COL27A1: variants seen among roughly 807,000 people sequenced by gnomAD.
The protein encoded by COL27A1 is collagen type XXVII alpha 1 chain.
A neutral mutation model predicts 251.3 loss-of-function variants in COL27A1; 106 were observed. The ratio of observed to expected loss-of-function variants is 0.42; its 90% confidence interval spans 0.36 to 0.50. The LOEUF is 0.50. Ranked by LOEUF, COL27A1 falls within the 20% of genes least tolerant of loss-of-function variation. The pLI is 0.00. For missense variants in COL27A1, 2,325 were observed against 2,522.8 expected (o/e 0.92, Z 1.68); for synonymous variants, 1,000 against 986.3 (o/e 1.01, Z -0.26).
chr9:114,204,573 G>A (rs1829812701), intron 7 of COL27A1, among the ~76,000 whole-genome samples: 2 of 152,150 alleles, frequency 1.3e-5, no homozygotes, highest in African/African-American at 2.4e-5. Context: ...GCCGGTGGGA[G>A]AAGGGAAACA....
intron 15 of COL27A1, among the ~76,000 whole-genome samples, chr9:114,231,571 C>T (rs1465104990): frequency 6.6e-6 from 1 of 152,216 alleles, no homozygotes; most frequent in African/African-American, 2.4e-5. Context: ...CTCATTAAGC[C>T]CTTCCCTCCC....
chr9:114,157,408 G>A (rs986393636), intron 1 of COL27A1, among the ~76,000 whole-genome samples: 2 of 152,140 alleles, frequency 1.3e-5, no homozygotes, highest in African/African-American at 2.4e-5. Context: ...CCTTCTGGCC[G>A]GACCAAACTC....
chr9:114,221,592 A>G (rs1477594323), intron 13 of COL27A1, among the ~76,000 whole-genome samples: 1 of 152,214 alleles, frequency 6.6e-6, no homozygotes, highest in Non-Finnish European at 1.5e-5. Flanking sequence ...CATGTGGGCC[A>G]TGGAAGATCC....
chr9:114,196,115 GC>G, intron 7 of COL27A1, 103 bp downstream of exon 7: 1 of 1,003,662 alleles, frequency 1.0e-6, no homozygotes, highest in Non-Finnish European at 1.6e-6. Context: ...CCCAGCCCCA[GC>G]CCAGCTCCCC....
chr9:114,192,500 G>A (rs2135230716), intron 5 of COL27A1, among the ~76,000 whole-genome samples: 1 of 152,346 alleles, frequency 6.6e-6, no homozygotes, highest in East Asian at 1.9e-4. Flanking sequence ...CAGATGGACA[G>A]AGTTGGAGTT....
At chr9:114,307,071 C>T (rs1234341645) in intron 58 of COL27A1, 4 of 212,208 alleles carry the variant, frequency 1.9e-5, no homozygotes, top group Non-Finnish European at 3.8e-5. Flanking sequence ...CCAGACAGAC[C>T]TGAGTTCCAA....
At chr9:114,266,477 G>T in intron 32 of COL27A1, 88 bp from the exon 33 acceptor site, 1 of 1,128,584 alleles carries the variant, frequency 8.9e-7, no homozygotes. Context: ...CCAGTTCTGG[G>T]GGTCAGCTCC....
At chr9:114,180,495 C>T (rs1827817618) in intron 4 of COL27A1, among the ~76,000 whole-genome samples, 1 of 152,190 alleles carries the variant, frequency 6.6e-6, no homozygotes, top group African/African-American at 2.4e-5. Flanking sequence ...CCAACTCTCC[C>T]TGCCCGCCGT....
At chr9:114,156,992 G>A (rs981801532) in intron 1 of COL27A1, among the ~76,000 whole-genome samples, 1 of 152,034 alleles carries the variant, frequency 6.6e-6, no homozygotes, top group Non-Finnish European at 1.5e-5. Flanking sequence ...TGGAGTCCGC[G>A]GGATGACACC....
At chr9:114,236,303 A>C (rs1357190248) in intron 17 of COL27A1, among the ~76,000 whole-genome samples, 1 of 152,176 alleles carries the variant, frequency 6.6e-6, no homozygotes, top group Non-Finnish European at 1.5e-5. Context: ...CCTGCCAGAC[A>C]GTGAGTTCCC....
intron 17 of COL27A1, 122 bp from the exon 18 acceptor site, chr9:114,236,859 G>A: frequency 1.2e-6 from 1 of 830,502 alleles, no homozygotes; most frequent in Non-Finnish European, 2.0e-6. Flanking sequence ...AAGGAAGGAA[G>A]GAGCTCATCT....
chr9:114,192,061 C>T (rs866256438), intron 5 of COL27A1, among the ~76,000 whole-genome samples: 69 of 152,178 alleles, frequency 4.5e-4, no homozygotes, highest in African/African-American at 1.6e-3. Context: ...GTATCATACT[C>T]GGGCAGGCAT....
rs748771857 is a variant in COL27A1, at chr9:114,168,939, G to A, written c.1384G>A (p.Ala462Thr). Residue 462 changes from alanine (A) to threonine (T), a missense_variant, in exon 3 of 61, where the codon GCC becomes ACC. Ala to Thr is a moderately conservative substitution (Grantham distance 58, BLOSUM62 0). Coordinates refer to ENST00000356083, the MANE Select transcript of COL27A1 (RefSeq NM_032888.4). Reference protein sequence around the residue: ...KPIPTLARTEAKITSHASKPA... With the variant: ...KPIPTLARTETKITSHASKPA... ...CATTCCCACACTAGCTCGGACTGAG[G>A]CCAAGATAACCAGCCATGCCAGTAA... 1.2e-6 allele frequency: 2 copies of A among 1,613,926 alleles called. No homozygotes were observed. The highest frequency in any genetic ancestry group is 1.7e-6 in the Non-Finnish European group (2 of 1,179,982).
At chr9:114,302,032 T>G in intron 55 of COL27A1, 50 bp from the exon 56 acceptor site, 2 of 1,571,526 alleles carry the variant, frequency 1.3e-6, no homozygotes, top group Non-Finnish European at 1.8e-6. Flanking sequence ...CCTCTCAGAT[T>G]CCAGCACACT....
At chr9:114,201,448 C>T (rs1399327696) in intron 7 of COL27A1, among the ~76,000 whole-genome samples, 5 of 152,228 alleles carry the variant, frequency 3.3e-5, no homozygotes, top group Non-Finnish European at 7.3e-5. Flanking sequence ...GCACCTCCCA[C>T]CGCCTACCTC....
intron 1 of COL27A1, among the ~76,000 whole-genome samples, chr9:114,158,809 C>A (rs1848299846): frequency 6.6e-6 from 1 of 152,190 alleles, no homozygotes; most frequent in Admixed American, 6.5e-5. Context: ...AAGGCTGGGG[C>A]TCGGGTCTCT....
At chr9:114,185,683 G>A (rs4292774) in intron 5 of COL27A1, among the ~76,000 whole-genome samples, 73,290 of 152,212 alleles carry the variant, frequency 0.48, 17,878 homozygotes, top group Admixed American at 0.57. Flanking sequence ...ATGCTGTCCC[G>A]TCCTCTTCCA....
intron 5 of COL27A1, among the ~76,000 whole-genome samples, chr9:114,193,388 G>C (rs1828884115): frequency 6.6e-6 from 1 of 152,156 alleles, no homozygotes; most frequent in Non-Finnish European, 1.5e-5. Context: ...GTGTGACAGG[G>C]ACTGTCCCCT....
chr9:114,217,239 T>C (rs1830769975), intron 12 of COL27A1, among the ~76,000 whole-genome samples: 1 of 152,320 alleles, frequency 6.6e-6, no homozygotes, highest in Admixed American at 6.5e-5. Flanking sequence ...GTCTCTCCCT[T>C]GCTTATACCT....
Sources: gnomAD v4.1 joint callset for allele counts (sites outside exome capture counted in the v4.1 genomes callset) on GRCh38, gnomAD v4.1.1 for gene constraint, MANE v1.5 for transcripts, NCBI Gene and HGNC (gene_info 2026-07-23, HGNC 2026-07-21) for gene names.